PCDHGA8: variants seen among roughly 807,000 people sequenced by gnomAD.
The protein encoded by PCDHGA8 is protocadherin gamma-A8.
PCDHGA8 carries 45 observed loss-of-function variants against 59.2 expected under a neutral mutation model. The observed-to-expected ratio is 0.76, with a 90% CI of 0.60 to 0.98. The LOEUF (loss-of-function observed/expected upper bound fraction) is 0.98, where lower values mean the gene tolerates loss of function less well. PCDHGA8 is among the 50% of genes least tolerant of loss of function. The pLI is 0.00. For synonymous variants in PCDHGA8, 531 were observed against 519.0 expected (o/e 1.02, Z -0.32); for missense variants, 1,257 against 1,196.2 (o/e 1.05, Z -0.75).
In PCDHGA8 at chr5:141,400,151, C is replaced by G. The variant is rs201457414; in HGVS notation, c.2424+4914C>G. ...GTGCTGCCGGATATCACTGACCGCC[C>G]TGTACCCTCTGACCCCCAGGCTGAG... On this transcript the variant is annotated intron_variant, in intron 1 of 3. Transcript: ENST00000398604. 6.4e-5 allele frequency: 104 copies of G among 1,614,086 alleles called. No individual in the cohort carries two copies. The highest frequency in any genetic ancestry group is 4.9e-4 in the Middle Eastern group (3 of 6,062).
chr5:141,446,251 A>G (rs979768028), intron 1 of PCDHGA8, among the ~76,000 whole-genome samples: 1 of 152,178 alleles, frequency 6.6e-6, no homozygotes, highest in Admixed American at 6.5e-5. Context: ...ATCTTCAGTG[A>G]AATATTATTA....
chr5:141,439,171 C>T (rs948650584), intron 1 of PCDHGA8, among the ~76,000 whole-genome samples: 3 of 146,478 alleles, frequency 2.0e-5, no homozygotes, highest in Non-Finnish European at 3.0e-5. Context: ...CCAGCCTGGG[C>T]GACATAGTGA....
Position 141,443,253 on chromosome 5 carries a change from G to A in PCDHGA8, c.2424+48016G>A, listed in dbSNP as rs192939862. 1.8e-4 allele frequency among the ~76,000 whole-genome samples: 28 copies of A among 152,214 alleles called. No individual in the cohort carries two copies. The Middle Eastern group carries it at 0.014, about 74-fold the overall frequency. On this transcript the variant is annotated intron_variant, in intron 1 of 3. Transcript: ENST00000398604. Reference sequence around the variant, plus strand: ...CTTAGCACTTTGGGGCGCCAAGGCGGGTGGATCACTTGAGCCCAGGAGTTT... The same window carrying A: ...CTTAGCACTTTGGGGCGCCAAGGCGAGTGGATCACTTGAGCCCAGGAGTTT...
At chr5:141,445,575 G>A (rs571896159) in intron 1 of PCDHGA8, among the ~76,000 whole-genome samples, 18 of 152,262 alleles carry the variant, frequency 1.2e-4, no homozygotes, top group African/African-American at 4.3e-4. Flanking sequence ...CTTATAGTAG[G>A]GAAGCTTCGC....
rs369141362 is a variant in PCDHGA8 at position 141,404,800 on chromosome 5, C to T, written c.2424+9563C>T. The T allele has an allele frequency of 1.8e-5, 29 of 1,613,852 alleles. No homozygotes were observed. The Admixed American group carries it at 3.3e-4, about 19-fold the overall frequency. On this transcript the variant is annotated intron_variant, in intron 1 of 3. Transcript: ENST00000398604. ...TATTCAAGGCCAGTGAGCCAGGGCT[C>T]TTCTCGGTGGGGCTGCACACAGGTG... is the stretch of plus-strand genomic sequence containing the variant.
At chr5:141,405,488 C>A in intron 1 of PCDHGA8, 1 of 895,936 alleles carries the variant, frequency 1.1e-6, no homozygotes, top group Non-Finnish European at 1.7e-6. Context: ...GGTGTGATCT[C>A]GGCTCATTGC....
intron 3 of PCDHGA8, among the ~76,000 whole-genome samples, chr5:141,507,898 C>T (rs577177417): frequency 1.3e-5 from 2 of 152,310 alleles, no homozygotes; most frequent in East Asian, 1.9e-4. Flanking sequence ...TTCCTGAAGT[C>T]CAGCCCAGCC....
intron 1 of PCDHGA8, chr5:141,430,973 A>G: frequency 6.2e-7 from 1 of 1,613,266 alleles, no homozygotes; most frequent in East Asian, 2.2e-5. Flanking sequence ...CAGAGGTAGG[A>G]CGCAGCTTTT....
chr5:141,489,238 G>A lies in PCDHGA8; in HGVS notation c.2425-5569G>A. On this transcript the variant is annotated intron_variant, in intron 1 of 3. Coordinates refer to ENST00000398604, the MANE Select transcript of PCDHGA8 (RefSeq NM_032088.2). The surrounding 1 kb of genome is among the most constrained non-coding windows in gnomAD (Gnocchi z 4.5). ...TTACTCTCCACAAAGGGACTTCTGG[G>A]TCATGGGGCCCAAGACACTCCCACA... 6.5e-7 allele frequency: 1 copy of A among 1,534,146 alleles called. No homozygotes were observed.
chr5:141,431,907 T>A lies in PCDHGA8; in HGVS notation c.2424+36670T>A, dbSNP rs2097427946. 2 of 1,613,964 alleles carry A rather than the reference T, an allele frequency of 1.2e-6. No homozygotes were observed. Among genetic ancestry groups the A allele is most frequent in the South Asian group, 2.2e-5 (2 of 91,086 alleles). Reference sequence around the variant, plus strand: ...GATTCTGAGGAAAACGGACAGGTGATCTGTTTCATCCAAGGAAATCTGCCC... The same window carrying A: ...GATTCTGAGGAAAACGGACAGGTGAACTGTTTCATCCAAGGAAATCTGCCC... On this transcript the variant is annotated intron_variant, in intron 1 of 3. Transcript: ENST00000398604. This position sits in a 1 kb window ranked among gnomAD's most constrained non-coding sequence, Gnocchi z 4.8.
chr5:141,498,104 C>T (rs530844708), intron 2 of PCDHGA8, among the ~76,000 whole-genome samples: 2 of 152,106 alleles, frequency 1.3e-5, no homozygotes, highest in African/African-American at 4.8e-5. Context: ...GTGGTGTGGG[C>T]GTATAATAGG....
rs780541121 is a variant in PCDHGA8 at position 141,477,533 on chromosome 5, G to T, written c.2425-17274G>T. ...TTACATTGAAGAAAACAACCTCCCCGGGGCTCCAATACTAAACCTAAGTGT... is the reference window on the plus strand; with the variant it reads ...TTACATTGAAGAAAACAACCTCCCCTGGGCTCCAATACTAAACCTAAGTGT... On this transcript the variant is annotated intron_variant, in intron 1 of 3. Coordinates refer to ENST00000398604, the MANE Select transcript of PCDHGA8 (RefSeq NM_032088.2). This position sits in a 1 kb window ranked among gnomAD's most constrained non-coding sequence, Gnocchi z 4.9. 6.2e-7 allele frequency: 1 copy of T among 1,614,010 alleles called. No homozygotes were observed. The highest frequency in any genetic ancestry group is 1.1e-5 in the South Asian group (1 of 91,066).
chr5:141,445,272 T>C (rs1057201147), intron 1 of PCDHGA8, among the ~76,000 whole-genome samples: 1 of 152,236 alleles, frequency 6.6e-6, no homozygotes, highest in Non-Finnish European at 1.5e-5. Flanking sequence ...TCGAAACCAC[T>C]CTGCATAAGT....
chr5:141,415,761 T>G (rs1047830043), intron 1 of PCDHGA8: 49 of 1,399,492 alleles, frequency 3.5e-5, no homozygotes, highest in Admixed American at 1.6e-4. Context: ...TTTTTTTTTT[T>G]TTTTTTTTTT....
intron 1 of PCDHGA8, among the ~76,000 whole-genome samples, chr5:141,429,387 T>TA (rs11410533): frequency 0.01 from 1,566 of 151,436 alleles, 8 homozygotes; most frequent in Middle Eastern, 0.031. Flanking sequence ...GTTTTTTTTT[T>TA]AAAAAAAATT....
In PCDHGA8 at chr5:141,486,585, GGGA is replaced by G; in HGVS notation, c.2425-8221_2425-8219del. The G allele has an allele frequency of 6.2e-7, 1 of 1,613,708 alleles. No individual in the cohort carries two copies. Among genetic ancestry groups the G allele is most frequent in the Non-Finnish European group, 8.5e-7 (1 of 1,180,024 alleles). On this transcript the variant is annotated intron_variant, in intron 1 of 3. Transcript: ENST00000398604. This position sits in a 1 kb window ranked among gnomAD's most constrained non-coding sequence, Gnocchi z 5.0. ...TTTGTTCCTGAGAACAATCGCCCAG[GGGA>G]CCTGCTTTGCTCCCTTGCAGCCTCT...
At chr5:141,404,662 T>G (rs1314002801) in intron 1 of PCDHGA8, 1 of 1,614,208 alleles carries the variant, frequency 6.2e-7, no homozygotes, top group East Asian at 2.2e-5. Flanking sequence ...TCCCCACTGA[T>G]GGTTCTACTG....
chr5:141,399,427 G>A (rs1049477252), intron 1 of PCDHGA8: 2 of 1,613,842 alleles, frequency 1.2e-6, no homozygotes, highest in African/African-American at 2.7e-5. Context: ...CAGCATAAGC[G>A]TCATCCTACA....
chr5:141,427,915 T>C lies in PCDHGA8; in HGVS notation c.2424+32678T>C, dbSNP rs779333176. ...GGCTCGCCCGCGCTCAGCGCCAACATGAGCCGGCGCATGTTGGTGGGCGAC... is the reference window on the plus strand; with the variant it reads ...GGCTCGCCCGCGCTCAGCGCCAACACGAGCCGGCGCATGTTGGTGGGCGAC... On this transcript the variant is annotated intron_variant, in intron 1 of 3. Transcript: ENST00000398604. The C allele has an allele frequency of 7.0e-6, 11 of 1,578,094 alleles. No individual in the cohort carries two copies. In the Admixed American group the frequency reaches 8.4e-5, roughly 12 times the overall value.
Sources: allele counts gnomAD v4.1 joint callset (sites outside exome capture counted in the v4.1 genomes callset), GRCh38; gene constraint gnomAD v4.1.1; non-coding constraint Gnocchi (gnomAD v3.1); transcripts MANE v1.5; gene names NCBI Gene and HGNC (gene_info 2026-07-23, HGNC 2026-07-21).